The following CWH43 variants were observed in gnomAD, a reference collection of about 807,000 sequenced individuals.
CWH43 encodes the protein cell wall biogenesis 43 C-terminal homolog.
A neutral mutation model predicts 85.7 loss-of-function variants in CWH43; 91 were observed. That is an observed-to-expected ratio of 1.06 (90% CI 0.90 to 1.26). The LOEUF (loss-of-function observed/expected upper bound fraction) is 1.26, where lower values mean the gene tolerates loss of function less well. Among genes scored for constraint, CWH43 ranks in the 50% most tolerant of loss-of-function variants. The pLI is 0.00. For missense variants in CWH43, 869 were observed against 839.2 expected, an observed-to-expected ratio of 1.04 and a Z score of -0.44; for synonymous variants, 323 against 293.6, an observed-to-expected ratio of 1.10 and a Z score of -1.02.
chr4:49,035,977 C>T (rs1339464168), intron 12 of CWH43, among the ~76,000 whole-genome samples: 1 of 152,050 alleles, frequency 6.6e-6, no homozygotes, highest in Non-Finnish European at 1.5e-5. Context: ...GCTGGAGGGA[C>T]CCATGGAACA....
At position 48,991,455 on chromosome 4, in the gene CWH43, C is replaced by G. The variant is rs555612604; in HGVS notation, c.237C>G (p.Gly79=). ...TAGCTCTCCCTATTTTGTTTGTAGG[C>G]AGCATAGCCTCCTTCCAGGCTCCAA... is the stretch of plus-strand genomic sequence containing the variant. The part of the protein sequence containing the change: ...MLTLLRIITI[G]SIASFQAPNA... Residue 79 remains glycine (G), a splice_region_variant and synonymous_variant, in exon 3 of 16, where the codon GGC becomes GGG. Coordinates refer to ENST00000226432, the MANE Select transcript of CWH43 (RefSeq NM_025087.3). 6.2e-7 allele frequency: 1 copy of G among 1,613,936 alleles called. No homozygotes were observed. The highest frequency in any genetic ancestry group is 1.3e-5 in the African/African-American group (1 of 75,034).
At chr4:49,018,571 GTTTTAAATGTTTTAATATCC>G (rs1363122989) in intron 9 of CWH43, among the ~76,000 whole-genome samples, 1 of 152,136 alleles carries the variant, frequency 6.6e-6, no homozygotes, top group Non-Finnish European at 1.5e-5. Context: ...GCTATCTGCA[GTTTTAAATGTTTTAATATCC>G]TTTTCTCTTT....
chr4:49,007,902 T>C (rs1783217062), intron 8 of CWH43, among the ~76,000 whole-genome samples: 1 of 152,352 alleles, frequency 6.6e-6, no homozygotes, highest in South Asian at 2.1e-4. Flanking sequence ...TCCAAGTCTT[T>C]GCTATTGTGA....
chr4:49,025,265 T>C lies in CWH43; in HGVS notation c.1267-3364T>C, dbSNP rs530790682. On this transcript the variant is annotated intron_variant, in intron 9 of 15. Coordinates refer to ENST00000226432, the MANE Select transcript of CWH43 (RefSeq NM_025087.3). ...TTTCCATTCATATCCTGTATCATTT[T>C]TTTTTTTATTTCTTTAAGTCTGACT... 5.5e-4 allele frequency among the ~76,000 whole-genome samples: 84 copies of C among 152,260 alleles called. No homozygotes were observed. In the Middle Eastern group the frequency reaches 0.01, roughly 18 times the overall value.
At chr4:49,060,531 C>G (rs767041137) in intron 15 of CWH43, among the ~76,000 whole-genome samples, 1 of 152,084 alleles carries the variant, frequency 6.6e-6, no homozygotes, top group Non-Finnish European at 1.5e-5. Context: ...GTGCTGGAGT[C>G]TGTGGCAAAG....
chr4:49,032,633 G>A lies in CWH43; in HGVS notation c.1576G>A (p.Glu526Lys), dbSNP rs376324090. Residue 526 changes from glutamate (E) to lysine (K), a missense_variant, in exon 12 of 16, where the codon GAG becomes AAG. Glu to Lys is a moderately conservative substitution (Grantham distance 56). Transcript: ENST00000226432. The stretch of plus-strand genomic sequence containing the variant: ...TCACCTTCTTCCGTCACCAGAGGGC[G>A]AGATCGCACCAGCCATCACATTGAC... ...EHHLLPSPEG[E>K]IAPAITLTVN... The A allele has an allele frequency of 1.1e-5, 18 of 1,614,060 alleles. No individual in the cohort carries two copies. The highest frequency in any genetic ancestry group is 1.5e-5 in the Non-Finnish European group (18 of 1,179,958).
At chr4:49,044,695 T>C in intron 13 of CWH43, 91 bp from the exon 14 acceptor site, 1 of 937,210 alleles carries the variant, frequency 1.1e-6, no homozygotes, top group South Asian at 1.5e-5. Flanking sequence ...TACAAAGAGA[T>C]ATTTATCATG....
chr4:49,037,853 T>C (rs1465914216), intron 12 of CWH43, among the ~76,000 whole-genome samples, 183 bp from the exon 13 acceptor site: 1 of 152,246 alleles, frequency 6.6e-6, no homozygotes, highest in African/African-American at 2.4e-5. Flanking sequence ...TCTGTCAGCC[T>C]ATTCATTTGA....
rs1783065303 is a variant in CWH43 at position 49,003,724 on chromosome 4, C to G, written c.803-11C>G. 1 of 1,613,138 alleles carries G rather than the reference C, an allele frequency of 6.2e-7. No individual in the cohort carries two copies. Among genetic ancestry groups the G allele is most frequent in the African/African-American group, 1.3e-5 (1 of 74,874 alleles). The stretch of plus-strand genomic sequence containing the variant: ...GCTTTCCTGTCTGATTCTTTTCTCT[C>G]TCACAAACAGGAACAGCTTCAGCTG... On this transcript the variant is annotated splice_polypyrimidine_tract_variant and intron_variant, in intron 6 of 15. Coordinates refer to ENST00000226432, the MANE Select transcript of CWH43 (RefSeq NM_025087.3).
chr4:49,039,306 G>GATATATATATATATATAT (rs71600797), intron 13 of CWH43, among the ~76,000 whole-genome samples: 315 of 4,550 alleles, frequency 0.069, 62 homozygotes, highest in Non-Finnish European at 0.14. Context: ...TCAGGAGACT[G>GATATATATATATATATAT]ATATATATAT....
At chr4:48,994,300 G>A (rs1272930275) in intron 4 of CWH43, among the ~76,000 whole-genome samples, 1 of 152,144 alleles carries the variant, frequency 6.6e-6, no homozygotes, top group East Asian at 1.9e-4. Flanking sequence ...TACAACATTT[G>A]TTCACAAACA....
In CWH43 at chr4:48,991,446, G is replaced by C; in HGVS notation, c.236-8G>C. On this transcript the variant is annotated splice_region_variant and splice_polypyrimidine_tract_variant and intron_variant, in intron 2 of 15. Transcript: ENST00000226432. ...AGAAATGCTTAGCTCTCCCTATTTT[G>C]TTTGTAGGCAGCATAGCCTCCTTCC... is the stretch of plus-strand genomic sequence containing the variant. 1.9e-6 allele frequency: 3 copies of C among 1,613,710 alleles called. No individual in the cohort carries two copies. Among genetic ancestry groups the C allele is most frequent in the Non-Finnish European group, 2.5e-6 (3 of 1,179,852 alleles).
Position 49,050,776 on chromosome 4 carries a change from A to G in CWH43, c.1948A>G (p.Thr650Ala). Residue 650 changes from threonine to alanine, a missense_variant, in exon 15 of 16, where the codon ACT (threonine) becomes GCT (alanine). Transcript: ENST00000226432. The part of the protein sequence containing the change: ...MAKFRIPDDP[T>A]NYRDNQKVVI... The stretch of plus-strand genomic sequence containing the variant: ...AAAATTTAGGATCCCTGATGACCCC[A>G]CTAATTATAGAGACAACCAGAAAGT... 1 of 1,611,884 alleles carries G rather than the reference A, an allele frequency of 6.2e-7. No homozygotes were observed. Among genetic ancestry groups the G allele is most frequent in the Non-Finnish European group, 8.5e-7 (1 of 1,178,076 alleles).
At chr4:48,994,869 G>A in intron 5 of CWH43, 49 bp downstream of exon 5, 1 of 1,449,884 alleles carries the variant, frequency 6.9e-7, no homozygotes, top group Non-Finnish European at 9.7e-7. Context: ...TATGCCTGGA[G>A]GAAGCAATGC....
intron 5 of CWH43, among the ~76,000 whole-genome samples, chr4:48,995,935 A>G (rs1782795039): frequency 6.6e-6 from 1 of 151,176 alleles, no homozygotes; most frequent in Non-Finnish European, 1.5e-5. Flanking sequence ...TGATTCCACC[A>G]CTCCTTTACT....
At chr4:49,043,875 A>G (rs1002222335) in intron 13 of CWH43, among the ~76,000 whole-genome samples, 1 of 151,992 alleles carries the variant, frequency 6.6e-6, no homozygotes, top group Non-Finnish European at 1.5e-5. Context: ...TTATGTATAC[A>G]AAAGGTATAT....
chr4:48,998,571 T>G, intron 6 of CWH43, 23 bp downstream of exon 6: 1 of 1,534,712 alleles, frequency 6.5e-7, no homozygotes, highest in Non-Finnish European at 9.0e-7. Context: ...TACCTGCAGA[T>G]AGAACACGAC....
intron 14 of CWH43, among the ~76,000 whole-genome samples, chr4:49,049,110 G>A (rs1217110355): frequency 6.6e-6 from 1 of 152,070 alleles, no homozygotes; most frequent in Non-Finnish European, 1.5e-5. Flanking sequence ...AGAGATTTGG[G>A]AATAAATAAC....
At chr4:49,026,908 G>C (rs1783933962) in intron 9 of CWH43, among the ~76,000 whole-genome samples, 1 of 152,184 alleles carries the variant, frequency 6.6e-6, no homozygotes, top group Admixed American at 6.5e-5. Flanking sequence ...ATCCCCAGTA[G>C]TGGGATTGCT....
Sources: gnomAD v4.1 joint callset for allele counts (sites outside exome capture counted in the v4.1 genomes callset) on GRCh38, gnomAD v4.1.1 for gene constraint, MANE v1.5 for transcripts, NCBI Gene and HGNC (gene_info 2026-07-23, HGNC 2026-07-21) for gene names.